SLCO1B1: variants seen among roughly 807,000 people sequenced by gnomAD.
The protein encoded by SLCO1B1 is solute carrier organic anion transporter family member 1B1, also known as OATP-2.
SLCO1B1 carries 81 observed loss-of-function variants against 70.1 expected under a neutral mutation model. That is an observed-to-expected ratio of 1.16 (90% CI 0.97 to 1.39). The LOEUF is 1.39. SLCO1B1 is among the 40% of genes most tolerant of loss of function. SLCO1B1 has a pLI of 0.00. For missense variants in SLCO1B1, 895 were observed against 799.6 expected (o/e 1.12, Z -1.44); for synonymous variants, 283 against 271.5 (o/e 1.04, Z -0.42).
intron 10 of SLCO1B1, among the ~76,000 whole-genome samples, chr12:21,205,454 C>CA (rs1383086100): frequency 6.6e-6 from 1 of 151,736 alleles, no homozygotes; most frequent in Non-Finnish European, 1.5e-5. Context: ...TTCGTAGACT[C>CA]ACAAGACTTT....
chr12:21,174,511 G>T, intron 3 of SLCO1B1, 66 bp from the exon 4 acceptor site: 1 of 1,506,336 alleles, frequency 6.6e-7, no homozygotes. Context: ...CATCCATTCT[G>T]GGGTTTTCAA....
At chr12:21,155,707 G>A (rs971353753) in intron 2 of SLCO1B1, among the ~76,000 whole-genome samples, 1 of 152,132 alleles carries the variant, frequency 6.6e-6, no homozygotes, top group Non-Finnish European at 1.5e-5. Flanking sequence ...TCAAGGTGAT[G>A]ACCAGTAACC....
chr12:21,222,299 G>T lies in SLCO1B1; in HGVS notation c.1683-1G>T, dbSNP rs757392414. ...GTTTCTTTGCCTTTGTCTTGTTTCA[G>T]AATTGTTCAACCTGAATTGAAATCA... On this transcript the variant is annotated splice_acceptor_variant, in intron 12 of 14. Coordinates refer to ENST00000256958, the MANE Select transcript of SLCO1B1 (RefSeq NM_006446.5). LOFTEE classifies it high-confidence loss of function. 45 of 1,288,094 alleles carry T rather than the reference G, an allele frequency of 3.5e-5. No homozygotes were observed. In the East Asian group the frequency reaches 1.3e-3, roughly 37 times the overall value. The allele number at this position is 1,288,094 out of a possible 1,614,324, so 79.8% of individuals were successfully genotyped here.
chr12:21,140,867 A>T (rs1033730324), intron 1 of SLCO1B1, among the ~76,000 whole-genome samples: 3 of 151,958 alleles, frequency 2.0e-5, no homozygotes, highest in Non-Finnish European at 2.9e-5. Context: ...TTTCAACTAT[A>T]TGCATTTTCT....
chr12:21,143,034 G>T (rs1940333030), intron 2 of SLCO1B1, among the ~76,000 whole-genome samples: 1 of 152,122 alleles, frequency 6.6e-6, no homozygotes, highest in South Asian at 2.1e-4. Flanking sequence ...GTCTACAAGT[G>T]ATATTTAAAA....
chr12:21,157,600 ATT>A (rs533368425), intron 2 of SLCO1B1, among the ~76,000 whole-genome samples: 76 of 136,768 alleles, frequency 5.6e-4, no homozygotes, highest in African/African-American at 6.9e-4. Flanking sequence ...AGACTGTAAA[ATT>A]TTTTTTTTTT....
chr12:21,176,607 T>C (rs1362890932), intron 4 of SLCO1B1, among the ~76,000 whole-genome samples, 169 bp from the exon 5 acceptor site: 1 of 152,082 alleles, frequency 6.6e-6, no homozygotes, highest in East Asian at 1.9e-4. Context: ...CCATTTCACT[T>C]TTACCCATCA....
chr12:21,203,789 C>A (rs1454208632), intron 10 of SLCO1B1, among the ~76,000 whole-genome samples: 1 of 148,538 alleles, frequency 6.7e-6, no homozygotes, highest in Non-Finnish European at 1.5e-5. Context: ...TTGTATTATA[C>A]TTTCCTTTAT....
At chr12:21,234,715 T>C (rs1411765557) in intron 14 of SLCO1B1, among the ~76,000 whole-genome samples, 1 of 152,200 alleles carries the variant, frequency 6.6e-6, no homozygotes, top group African/African-American at 2.4e-5. Flanking sequence ...TGAAGCTATA[T>C]CCTAGAGGTT....
At chr12:21,202,323 G>T (rs1043718149) in intron 9 of SLCO1B1, among the ~76,000 whole-genome samples, 168 bp from the exon 10 acceptor site, 1 of 152,008 alleles carries the variant, frequency 6.6e-6, no homozygotes, top group African/African-American at 2.4e-5. Context: ...ACATGTATAT[G>T]TATGTAACAA....
At chr12:21,133,299 T>A (rs142645478) in intron 1 of SLCO1B1, among the ~76,000 whole-genome samples, 87 of 152,306 alleles carry the variant, frequency 5.7e-4, no homozygotes, top group African/African-American at 1.9e-3. Flanking sequence ...TCGCTTAGGA[T>A]TGACTTGGTA....
intron 10 of SLCO1B1, among the ~76,000 whole-genome samples, chr12:21,204,111 A>G (rs948991318): frequency 6.6e-6 from 1 of 152,044 alleles, no homozygotes; most frequent in African/African-American, 2.4e-5. Context: ...TGGATTCAAC[A>G]TTCATAAAAT....
chr12:21,200,261 C>T (rs1257215358), intron 8 of SLCO1B1, among the ~76,000 whole-genome samples: 2 of 152,084 alleles, frequency 1.3e-5, no homozygotes, highest in African/African-American at 2.4e-5. Flanking sequence ...TACAAAACAG[C>T]ACTTACGTAT....
chr12:21,206,432 A>G (rs1941215772), intron 11 of SLCO1B1, among the ~76,000 whole-genome samples: 1 of 151,912 alleles, frequency 6.6e-6, no homozygotes, highest in Admixed American at 6.6e-5. Context: ...AGCACTTCCT[A>G]TCTTACTAAG....
intron 2 of SLCO1B1, among the ~76,000 whole-genome samples, chr12:21,147,449 C>T (rs923931016): frequency 2.0e-5 from 3 of 152,150 alleles, no homozygotes; most frequent in Non-Finnish European, 4.4e-5. Context: ...CAACCCCCAA[C>T]AGGTGCTGGT....
chr12:21,156,713 A>G (rs1487516473), intron 2 of SLCO1B1, among the ~76,000 whole-genome samples: 2 of 152,198 alleles, frequency 1.3e-5, no homozygotes, highest in Admixed American at 1.3e-4. Context: ...TTACAAATTT[A>G]TATCTTGAGC....
chr12:21,179,144 C>A, intron 7 of SLCO1B1, 124 bp downstream of exon 7: 1 of 683,278 alleles, frequency 1.5e-6, no homozygotes, highest in Non-Finnish European at 2.6e-6. Context: ...TAGAAAGTTA[C>A]AAGTAGGAAA....
In SLCO1B1 at chr12:21,205,939, G is replaced by A. The variant is rs1397230788; in HGVS notation, c.1403G>A (p.Ser468Asn). The change falls in exon 11 of 15, where the codon AGT becomes AAT. Residue 468 changes from serine to asparagine, a missense_variant. By Grantham distance (46) the Ser-to-Asn change is conservative. Transcript: ENST00000256958. ...AACTCAGACTGCAATTGTGATGAAA[G>A]TCAATGGGAACCAGTCTGTGGAAAC... ...YCNSDCNCDE[S>N]QWEPVCGNNG... 6.2e-7 allele frequency: 1 copy of A among 1,611,772 alleles called. No individual in the cohort carries two copies. The highest frequency in any genetic ancestry group is 1.3e-5 in the African/African-American group (1 of 74,794).
intron 2 of SLCO1B1, among the ~76,000 whole-genome samples, chr12:21,160,999 T>TA (rs1411444248): frequency 2.0e-5 from 3 of 151,950 alleles, no homozygotes; most frequent in Admixed American, 6.6e-5. Flanking sequence ...TATTAAAAAA[T>TA]AAAAAACTAA....
Sources: gnomAD v4.1 joint callset for allele counts (sites outside exome capture counted in the v4.1 genomes callset) on GRCh38, gnomAD v4.1.1 for gene constraint, MANE v1.5 for transcripts, NCBI Gene and HGNC (gene_info 2026-07-23, HGNC 2026-07-21) for gene names.